INTS6: variants seen among roughly 807,000 people sequenced by gnomAD.
INTS6 encodes the protein integrator complex subunit 6.
INTS6 carries 16 observed loss-of-function variants against 104.9 expected under a neutral mutation model. The ratio of observed to expected loss-of-function variants is 0.15; its 90% CI spans 0.10 to 0.23. The LOEUF is 0.23. Among genes scored for constraint, INTS6 ranks in the 10% least tolerant of loss-of-function variants. The pLI is 1.00. For missense variants in INTS6, 584 were observed against 1,062.8 expected, an observed-to-expected ratio of 0.55 and a Z score of 6.26; for synonymous variants, 324 against 358.7, an observed-to-expected ratio of 0.90 and a Z score of 1.09.
rs1241266602 is a variant in INTS6, at chr13:51,408,307, C to T, written c.430-12824G>A. 2.6e-5 allele frequency among the ~76,000 whole-genome samples: 4 copies of T among 151,928 alleles called. No homozygotes were observed. The East Asian group carries it at 5.9e-4, about 22-fold the overall frequency. ...TACAGGCGCCTGCCACCATGCCCAGCTAACTTTTTGTATTTTTAGTAGAGA... is the reference window on the plus strand; with the variant it reads ...TACAGGCGCCTGCCACCATGCCCAGTTAACTTTTTGTATTTTTAGTAGAGA... On this transcript the variant is annotated intron_variant, in intron 4 of 17. Coordinates refer to ENST00000311234, the MANE Select transcript of INTS6 (RefSeq NM_012141.3).
At chr13:51,381,767 A>G (rs929161512) in intron 10 of INTS6, among the ~76,000 whole-genome samples, 1 of 151,678 alleles carries the variant, frequency 6.6e-6, no homozygotes, top group African/African-American at 2.4e-5. Flanking sequence ...CAGTGGCACA[A>G]TCTTGGCTCA....
chr13:51,358,098 A>C (rs1593647941), downstream of INTS6, among the ~76,000 whole-genome samples: 2 of 152,156 alleles, frequency 1.3e-5, no homozygotes, highest in Middle Eastern at 6.8e-3. Flanking sequence ...GCCTAATTTC[A>C]AAGGCCATTT....
chr13:51,366,640 C>CT (rs1955696869), intron 17 of INTS6, among the ~76,000 whole-genome samples: 1 of 151,952 alleles, frequency 6.6e-6, no homozygotes, highest in African/African-American at 2.4e-5. Flanking sequence ...GAGGTTTTAG[C>CT]TGACAGAATG....
chr13:51,369,274 ACAT>A lies in INTS6; in HGVS notation c.2138_2140del (p.Asp713del). 1 of 1,612,856 alleles carries A rather than the reference ACAT, an allele frequency of 6.2e-7. No homozygotes were observed. Among genetic ancestry groups the A allele is most frequent in the South Asian group, 1.1e-5 (1 of 90,978 alleles). ...TTGGTCTGCAACATGATTTTCAACC[ACAT>A]CATGTATTATCGAATCATTAGTGGT... On this transcript the variant is annotated inframe_deletion, in exon 16 of 18. Coordinates refer to ENST00000311234, the MANE Select transcript of INTS6 (RefSeq NM_012141.3).
intron 4 of INTS6, among the ~76,000 whole-genome samples, chr13:51,423,996 A>T (rs1956941969): frequency 6.6e-6 from 1 of 152,056 alleles, no homozygotes; most frequent in Non-Finnish European, 1.5e-5. Flanking sequence ...GAACAAAGGC[A>T]TGTGTATTCT....
chr13:51,372,066 CAAAG>C (rs1955817438), intron 15 of INTS6, among the ~76,000 whole-genome samples: 1 of 152,182 alleles, frequency 6.6e-6, no homozygotes, highest in Non-Finnish European at 1.5e-5. Flanking sequence ...ATATTAAAAA[CAAAG>C]AAAAATCACC....
chr13:51,413,612 T>C (rs1956730096), intron 4 of INTS6, among the ~76,000 whole-genome samples: 1 of 152,214 alleles, frequency 6.6e-6, no homozygotes, highest in South Asian at 2.1e-4. Context: ...CTTTAACATT[T>C]TAAATATCTA....
intron 3 of INTS6, chr13:51,450,650 T>C (rs1313799183): frequency 1.0e-6 from 1 of 989,176 alleles, no homozygotes; most frequent in Non-Finnish European, 1.2e-6. Flanking sequence ...TTTACTAATA[T>C]AGAAACGAAG....
the INTS6 span, chr13:51,348,424 G>A: frequency 1.2e-6 from 2 of 1,610,010 alleles, no homozygotes; most frequent in Non-Finnish European, 1.7e-6. Flanking sequence ...GAGCAGCTGA[G>A]TCCCCCTCAC....
intron 4 of INTS6, among the ~76,000 whole-genome samples, chr13:51,429,575 C>T (rs1429472344): frequency 6.6e-6 from 1 of 151,270 alleles, no homozygotes; most frequent in Non-Finnish European, 1.5e-5. Flanking sequence ...ACCAACCTGG[C>T]CAACATGGCA....
At chr13:51,406,074 A>T (rs1956558591) in intron 4 of INTS6, among the ~76,000 whole-genome samples, 1 of 152,056 alleles carries the variant, frequency 6.6e-6, no homozygotes, top group African/African-American at 2.4e-5. Context: ...TCTGGCTGCT[A>T]CTGCCTTCCA....
Position 51,395,285 on chromosome 13 carries a change from C to T in INTS6, c.613+15G>A. On this transcript the variant is annotated intron_variant, in intron 5 of 17. Coordinates refer to ENST00000311234, the MANE Select transcript of INTS6 (RefSeq NM_012141.3). ...CTGCTTTAAGTTACCAAATTACTGC[C>T]AGCAAAAAACTTACCGCCTGTCACT... 1.3e-6 allele frequency: 2 copies of T among 1,577,084 alleles called. No homozygotes were observed. The highest frequency in any genetic ancestry group is 2.7e-5 in the African/African-American group (2 of 73,274).
intron 3 of INTS6, chr13:51,443,399 GATTTGTTT>G (rs1018135077): frequency 2.0e-5 from 3 of 151,884 alleles, no homozygotes; most frequent in Non-Finnish European, 2.9e-5. Context: ...TCACACTTCA[GATTTGTTT>G]ATTTAAGTTA....
chr13:51,410,888 C>G (rs563708311), intron 4 of INTS6, among the ~76,000 whole-genome samples: 28 of 152,132 alleles, frequency 1.8e-4, no homozygotes, highest in African/African-American at 6.7e-4. Context: ...GGTCAGGATG[C>G]TCACTTGACC....
rs543593897 is a variant in INTS6, at chr13:51,411,257, G to A, written c.430-15774C>T. ...AATAAATAAATAAATAAATAAATAA[G>A]CAAGCAAGCACATGGGCCAGGTGCA... On this transcript the variant is annotated intron_variant, in intron 4 of 17. Coordinates refer to ENST00000311234, the MANE Select transcript of INTS6 (RefSeq NM_012141.3). Among the ~76,000 whole-genome samples, 431 of 127,698 alleles carry A rather than the reference G, an allele frequency of 3.4e-3. 2 individuals are homozygous for A. The highest frequency in any genetic ancestry group is 6.0e-3 in the Non-Finnish European group (330 of 55,288). 83.8% of individuals were successfully genotyped at this position (127,698 alleles called of 152,430 possible).
intron 4 of INTS6, among the ~76,000 whole-genome samples, chr13:51,403,659 A>G (rs1010574269): frequency 6.6e-6 from 1 of 151,882 alleles, no homozygotes; most frequent in East Asian, 1.9e-4. Flanking sequence ...AGTTCTGCCA[A>G]CTGGTTCTAT....
chr13:51,360,790 T>C (rs1955562413), downstream of INTS6, among the ~76,000 whole-genome samples: 1 of 152,184 alleles, frequency 6.6e-6, no homozygotes, highest in East Asian at 1.9e-4. Flanking sequence ...TGTGACTTTG[T>C]CATTTAAAAG....
At chr13:51,395,627 G>T (rs1002468692) in intron 4 of INTS6, 144 bp from the exon 5 acceptor site, 2 of 696,898 alleles carry the variant, frequency 2.9e-6, no homozygotes, top group Admixed American at 3.4e-5. Flanking sequence ...TACTTGTTCA[G>T]ACATAGCTAA....
chr13:51,393,338 A>G (rs1486212608), intron 5 of INTS6, among the ~76,000 whole-genome samples: 3 of 152,160 alleles, frequency 2.0e-5, no homozygotes, highest in African/African-American at 7.2e-5. Flanking sequence ...TTGGCCTTCG[A>G]AAGTGCTGGG....
Sources: gnomAD v4.1 joint callset for allele counts (sites outside exome capture counted in the v4.1 genomes callset) on GRCh38, gnomAD v4.1.1 for gene constraint, MANE v1.5 for transcripts, NCBI Gene and HGNC (gene_info 2026-07-23, HGNC 2026-07-21) for gene names.